The following KCMF1 variants were observed in gnomAD, a reference collection of about 807,000 sequenced individuals.
The protein encoded by KCMF1 is E3 ubiquitin-protein ligase KCMF1.
KCMF1 carries 3 observed loss-of-function variants against 41.1 expected under a neutral mutation model. The observed-to-expected ratio is 0.07, with a 90% CI of 0.03 to 0.19. The LOEUF is 0.19. KCMF1 is among the 10% of genes least tolerant of loss of function. The pLI, the probability that KCMF1 is intolerant of heterozygous loss-of-function variation, is 1.00. For synonymous variants in KCMF1, 142 were observed against 164.5 expected, an observed-to-expected ratio of 0.86 and a Z score of 1.04; for missense variants, 286 against 488.9, an observed-to-expected ratio of 0.58 and a Z score of 3.91.
rs933657544 is a variant in KCMF1, at chr2:85,053,885, A to G, written c.*476A>G. ...AAAATACAAAGCCCAAAGCTTTCCC[A>G]AACATTATTCAATGGTTACACGACG... is the stretch of plus-strand genomic sequence containing the variant. On this transcript the variant is annotated 3_prime_UTR_variant, in exon 7 of 7. Transcript: ENST00000409785. 1.3e-5 allele frequency: 2 copies of G among 152,912 alleles called. No homozygotes were observed. Among genetic ancestry groups the G allele is most frequent in the Non-Finnish European group, 2.9e-5 (2 of 68,604 alleles). 9.5% of individuals were successfully genotyped at this position (152,912 alleles called of 1,614,324 possible).
chr2:85,029,190 T>TTGAACTTC (rs201626140), intron 2 of KCMF1, among the ~76,000 whole-genome samples: 1 of 151,680 alleles, frequency 6.6e-6, no homozygotes, highest in African/African-American at 2.4e-5. Context: ...CAGGCTGGTC[T>TTGAACTTC]TGACCTCAAG....
At chr2:84,995,592 A>G (rs1559128784) in intron 1 of KCMF1, among the ~76,000 whole-genome samples, 1 of 152,064 alleles carries the variant, frequency 6.6e-6, no homozygotes, top group Non-Finnish European at 1.5e-5. Flanking sequence ...TTTGTTAGTG[A>G]TTGCAAGAGG....
At chr2:84,971,707 G>C (rs1049353285) in intron 1 of KCMF1, among the ~76,000 whole-genome samples, 1 of 148,742 alleles carries the variant, frequency 6.7e-6, no homozygotes, top group Non-Finnish European at 1.5e-5. Flanking sequence ...CGGCCGGAGG[G>C]TTTGCACTGT....
At chr2:85,038,912 G>A (rs966162612) in intron 3 of KCMF1, among the ~76,000 whole-genome samples, 4 of 152,152 alleles carry the variant, frequency 2.6e-5, no homozygotes, top group Non-Finnish European at 4.4e-5. Flanking sequence ...TAGAGACTTC[G>A]TCTCACCGTG....
intron 1 of KCMF1, among the ~76,000 whole-genome samples, chr2:84,990,758 C>T (rs867919444): frequency 3.9e-5 from 6 of 151,976 alleles, no homozygotes; most frequent in African/African-American, 7.3e-5. Context: ...GACATTGGAG[C>T]AGAGACTTCA....
At chr2:84,972,247 T>A (rs1006383152) in intron 1 of KCMF1, 2 of 152,256 alleles carry the variant, frequency 1.3e-5, no homozygotes, top group African/African-American at 4.8e-5. Context: ...GATGGTGAGG[T>A]CTGTTCATGG....
rs542182722 is a variant in KCMF1 at position 85,021,350 on chromosome 2, G to A, written c.17-6539G>A. 1.2e-3 allele frequency among the ~76,000 whole-genome samples: 188 copies of A among 152,310 alleles called. 1 individual carries two copies. Among genetic ancestry groups the A allele is most frequent in the African/African-American group, 4.2e-3 (175 of 41,574 alleles). On this transcript the variant is annotated intron_variant, in intron 1 of 6. Coordinates refer to ENST00000409785, the MANE Select transcript of KCMF1 (RefSeq NM_020122.5). ...TAAAATAATCTTACTGCAGCCGGGC[G>A]CGGTGGCTCACGCGTGTAATCCCAG...
chr2:84,990,115 G>A (rs1005260170), intron 1 of KCMF1, among the ~76,000 whole-genome samples: 1 of 152,316 alleles, frequency 6.6e-6, no homozygotes, highest in Non-Finnish European at 1.5e-5. Context: ...CGTGTTCATT[G>A]GCTTGAGCCA....
At chr2:85,033,169 A>C (rs556087118) in intron 2 of KCMF1, among the ~76,000 whole-genome samples, 3 of 152,206 alleles carry the variant, frequency 2.0e-5, no homozygotes, top group Non-Finnish European at 4.4e-5. Context: ...CATAATACAT[A>C]AAACTTTTAT....
chr2:84,982,998 A>G (rs888123807), intron 1 of KCMF1, among the ~76,000 whole-genome samples: 2 of 152,210 alleles, frequency 1.3e-5, no homozygotes, highest in Non-Finnish European at 2.9e-5. Flanking sequence ...ATATTAGATC[A>G]GTATCAAGGG....
intron 1 of KCMF1, among the ~76,000 whole-genome samples, chr2:85,007,101 CAAAAAAAAAA>C (rs764401140): frequency 3.9e-5 from 2 of 51,912 alleles, no homozygotes; most frequent in East Asian, 4.2e-4. Flanking sequence ...AACTCAGTCT[CAAAAAAAAAA>C]AAAAAAAAAA....
chr2:85,000,378 CT>C (rs1356145768), intron 1 of KCMF1, among the ~76,000 whole-genome samples: 3 of 152,194 alleles, frequency 2.0e-5, no homozygotes, highest in Admixed American at 2.0e-4. Flanking sequence ...CCATCTCAAC[CT>C]CCCAAAGTGC....
intron 1 of KCMF1, among the ~76,000 whole-genome samples, chr2:84,999,217 C>T (rs1011524539): frequency 6.6e-6 from 1 of 152,052 alleles, no homozygotes; most frequent in African/African-American, 2.4e-5. Context: ...GTGGCGTGAT[C>T]TCTGCTCACT....
intron 3 of KCMF1, among the ~76,000 whole-genome samples, chr2:85,037,147 A>G (rs1382539982): frequency 1.3e-5 from 2 of 152,112 alleles, no homozygotes; most frequent in Non-Finnish European, 2.9e-5. Context: ...TTAAGTTTCC[A>G]GGCTTTTGGT....
At chr2:85,026,495 A>ATTATTT (rs1553381454) in intron 1 of KCMF1, among the ~76,000 whole-genome samples, 5 of 143,582 alleles carry the variant, frequency 3.5e-5, no homozygotes, top group East Asian at 4.1e-4. Context: ...TATTATTATT[A>ATTATTT]TTTTTATTTT....
intron 1 of KCMF1, among the ~76,000 whole-genome samples, chr2:85,017,111 G>A (rs1294681341): frequency 4.3e-5 from 6 of 139,318 alleles, no homozygotes; most frequent in South Asian, 2.3e-4. Flanking sequence ...TGCAAGCTCC[G>A]CTTCCCGGGT....
Position 85,035,107 on chromosome 2 carries a change from T to G in KCMF1, c.276T>G (p.Ser92=). The G allele has an allele frequency of 6.2e-7, 1 of 1,613,594 alleles. No individual in the cohort carries two copies. The highest frequency in any genetic ancestry group is 8.5e-7 in the Non-Finnish European group (1 of 1,179,664). The change falls in exon 3 of 7, where the codon TCT becomes TCG. Residue 92 remains serine (S), a synonymous_variant. Transcript: ENST00000409785. ...GAAAAATGGGCTATACGGAGACATC[T>G]CTTCAAGAACATGTTACTTCTGAAC... ...YCGKMGYTET[S]LQEHVTSEHA...
chr2:85,049,329 T>C, intron 5 of KCMF1, 37 bp from the exon 6 acceptor site: 1 of 1,603,066 alleles, frequency 6.2e-7, no homozygotes, highest in South Asian at 1.1e-5. Flanking sequence ...TTCCTCAGTA[T>C]TAAGCAGACA....
At chr2:85,018,462 G>A (rs1265965163) in intron 1 of KCMF1, among the ~76,000 whole-genome samples, 2 of 151,858 alleles carry the variant, frequency 1.3e-5, no homozygotes, top group African/African-American at 4.8e-5. Flanking sequence ...TAGAGATGGG[G>A]TTTTGCCATG....
Sources: allele counts gnomAD v4.1 joint callset (sites outside exome capture counted in the v4.1 genomes callset), GRCh38; gene constraint gnomAD v4.1.1; transcripts MANE v1.5; gene names NCBI Gene and HGNC (gene_info 2026-07-23, HGNC 2026-07-21).